REG4: variants seen among roughly 807,000 people sequenced by gnomAD.
REG4 encodes regenerating islet-derived protein 4.
In REG4, 16 loss-of-function variants were observed where a neutral mutation model predicts 22.3. The observed-to-expected ratio is 0.72, with a 90% CI of 0.49 to 1.09. The LOEUF (loss-of-function observed/expected upper bound fraction) is 1.09. REG4 is among the 50% of genes least tolerant of loss of function. REG4 has a pLI of 0.00. For synonymous variants in REG4, 71 were observed against 69.2 expected (o/e 1.03, Z -0.13); for missense variants, 214 against 193.9 (o/e 1.10, Z -0.61).
intron 5 of REG4, 52 bp from the exon 6 acceptor site, chr1:119,794,737 G>A: frequency 2.0e-6 from 3 of 1,506,348 alleles, no homozygotes; most frequent in Non-Finnish European, 2.8e-6. Flanking sequence ...TACTGAGCTT[G>A]CCAGAGTTAT....
chr1:119,807,851 A>G (rs1654371233), intron 2 of REG4, among the ~76,000 whole-genome samples: 1 of 152,176 alleles, frequency 6.6e-6, no homozygotes, highest in Non-Finnish European at 1.5e-5. Flanking sequence ...CCCTTGGCCA[A>G]GGGCATTCCC....
At chr1:119,800,355 AGT>A (rs1303683886) in intron 3 of REG4, among the ~76,000 whole-genome samples, 1 of 152,258 alleles carries the variant, frequency 6.6e-6, no homozygotes, top group Non-Finnish European at 1.5e-5. Context: ...ACAGTGACAC[AGT>A]GTGTTTGTAG....
intron 2 of REG4, among the ~76,000 whole-genome samples, chr1:119,805,408 G>A (rs765051251): frequency 3.3e-5 from 5 of 152,102 alleles, no homozygotes; most frequent in Non-Finnish European, 5.9e-5. Flanking sequence ...GGTGCTCCTG[G>A]TTTGGTCTTG....
intron 1 of REG4, 74 bp downstream of exon 1, chr1:119,811,335 G>A (rs1654490556): frequency 6.6e-6 from 1 of 152,188 alleles, no homozygotes; most frequent in Non-Finnish European, 1.5e-5. Flanking sequence ...GTCATTTCTG[G>A]CCTGGCTAAT....
intron 5 of REG4, among the ~76,000 whole-genome samples, chr1:119,798,072 C>T (rs972359379): frequency 6.6e-6 from 1 of 152,084 alleles, no homozygotes; most frequent in Non-Finnish European, 1.5e-5. Context: ...AGGCAAAGAC[C>T]GGCCTTCCAG....
Position 119,799,728 on chromosome 1 carries a change from C to T in REG4, c.300G>A (p.Gln100=). 1.2e-6 allele frequency: 2 copies of T among 1,613,764 alleles called. No individual in the cohort carries two copies. The highest frequency in any genetic ancestry group is 1.3e-5 in the African/African-American group (1 of 75,064). ...TTGTGGCCAAGTCTGAGGTTACCTT[C>T]TGTGGGTCGTGCAGGCCAATCCATA... is the stretch of plus-strand genomic sequence containing the variant. ...QPIWIGLHDP[Q]KRQQWQWIDG... is the part of the protein sequence containing the mutation. The change falls in exon 4 of 6, where the codon CAG becomes CAA. Residue 100 remains glutamine (Q), a synonymous_variant. Coordinates refer to ENST00000256585, the MANE Select transcript of REG4 (RefSeq NM_032044.4).
chr1:119,801,724 G>A (rs1013782624), intron 3 of REG4: 6 of 152,292 alleles, frequency 3.9e-5, no homozygotes, highest in African/African-American at 1.2e-4. Context: ...AGGAATCAGG[G>A]AGCCGCACAG....
intron 1 of REG4, among the ~76,000 whole-genome samples, chr1:119,810,452 G>C (rs1654460616): frequency 6.6e-6 from 1 of 152,164 alleles, no homozygotes; most frequent in African/African-American, 2.4e-5. Context: ...AATCAATTCT[G>C]GGGTCCATCT....
intron 1 of REG4, among the ~76,000 whole-genome samples, chr1:119,809,571 C>T (rs74115357): frequency 5.8e-4 from 88 of 152,296 alleles, no homozygotes; most frequent in African/African-American, 2.0e-3. Context: ...TCTCTGTGTA[C>T]AATTTTATAA....
At chr1:119,804,948 G>C (rs1412735269) in intron 2 of REG4, among the ~76,000 whole-genome samples, 1 of 152,008 alleles carries the variant, frequency 6.6e-6, no homozygotes, top group Non-Finnish European at 1.5e-5. Context: ...TATCCATATG[G>C]CATTTTTATC....
intron 2 of REG4, among the ~76,000 whole-genome samples, chr1:119,803,808 G>T (rs1443116563): frequency 6.6e-6 from 1 of 152,194 alleles, no homozygotes; most frequent in African/African-American, 2.4e-5. Context: ...CTTGAGCATA[G>T]GTGGGCTATG....
chr1:119,809,120 G>A, intron 1 of REG4: 2 of 172,134 alleles, frequency 1.2e-5, no homozygotes, highest in Non-Finnish European at 2.4e-5. Flanking sequence ...AAACCACCGA[G>A]CACTCGCCCC....
At position 119,802,774 on chromosome 1, in the gene REG4, T is replaced by C. The variant is rs193002059; in HGVS notation, c.165+294A>G. The C allele has an allele frequency of 4.1e-6, 6 of 1,461,820 alleles. No individual in the cohort carries two copies. The Admixed American group carries it at 8.4e-5, about 21-fold the overall frequency. The allele number at this position is 1,461,820 out of a possible 1,614,324, so 90.6% of individuals were successfully genotyped here. On this transcript the variant is annotated intron_variant, in intron 3 of 5. Coordinates refer to ENST00000256585, the MANE Select transcript of REG4 (RefSeq NM_032044.4). ...CATCTTCTCTTCCTCCTTTGATTGA[T>C]GTATTTCTGTCTCCTTTACTGACAG...
At position 119,794,102 on chromosome 1, in the gene REG4, T is replaced by C. The variant is rs760294717; in HGVS notation, c.*516A>G. The C allele has an allele frequency of 3.8e-6, 2 of 533,148 alleles. No homozygotes were observed. Among genetic ancestry groups the C allele is most frequent in the Admixed American group, 3.9e-5 (2 of 51,586 alleles). 33.0% of individuals were successfully genotyped at this position (533,148 alleles called of 1,614,324 possible). ...CAGCAACCTCTTATGTACACAATGG[T>C]TTATTAAAGGAATGTATGGCCCACA... On this transcript the variant is annotated 3_prime_UTR_variant, in exon 6 of 6. Transcript: ENST00000256585.
chr1:119,804,995 T>C (rs1654252572), intron 2 of REG4, among the ~76,000 whole-genome samples: 1 of 152,188 alleles, frequency 6.6e-6, no homozygotes, highest in Non-Finnish European at 1.5e-5. Flanking sequence ...AGGCTCAGGA[T>C]GGTCATCTGC....
chr1:119,804,401 T>C (rs1654226477), intron 2 of REG4, among the ~76,000 whole-genome samples: 1 of 152,208 alleles, frequency 6.6e-6, no homozygotes, highest in African/African-American at 2.4e-5. Flanking sequence ...CACATCCTTC[T>C]ATGCCATAGT....
chr1:119,806,781 G>T (rs1426937150), intron 2 of REG4, among the ~76,000 whole-genome samples: 1 of 152,154 alleles, frequency 6.6e-6, no homozygotes, highest in Non-Finnish European at 1.5e-5. Context: ...ATCTTGCCTG[G>T]ACTACTCCAA....
In REG4 at chr1:119,805,449, C is replaced by T. The variant is rs193292713; in HGVS notation, c.68-2284G>A. Among the ~76,000 whole-genome samples, 26 of 152,240 alleles carry T rather than the reference C, an allele frequency of 1.7e-4. 1 individual carries two copies. The highest frequency in any genetic ancestry group is 4.6e-4 in the Admixed American group (7 of 15,296). On this transcript the variant is annotated intron_variant, in intron 2 of 5. Transcript: ENST00000256585. ...TCTGAAGCAACTGTCCTTGGCCTTC[C>T]GTGAGCAAACATGTTAGGACAGACC...
intron 4 of REG4, 133 bp from the exon 5 acceptor site, chr1:119,798,735 G>A: frequency 8.6e-6 from 5 of 579,700 alleles, no homozygotes; most frequent in Admixed American, 2.9e-5. Context: ...CTTAAAGAAG[G>A]AAAAAGAGAA....
Sources: gnomAD v4.1 joint callset for allele counts (sites outside exome capture counted in the v4.1 genomes callset) on GRCh38, gnomAD v4.1.1 for gene constraint, MANE v1.5 for transcripts, NCBI Gene and HGNC (gene_info 2026-07-23, HGNC 2026-07-21) for gene names.